The following MAPK10 variants were observed in gnomAD, a reference collection of about 807,000 sequenced individuals.
The protein encoded by MAPK10 is mitogen-activated protein kinase 10, also known as JNK3 alpha protein kinase.
Under a neutral mutation model 59.3 loss-of-function variants are expected in MAPK10, and 25 were observed. The ratio of observed to expected loss-of-function variants is 0.42; its 90% CI spans 0.31 to 0.59. MAPK10 has a LOEUF of 0.59. MAPK10 is among the 20% of genes least tolerant of loss of function. The pLI, the probability that MAPK10 is intolerant of heterozygous loss-of-function variation, is 0.15. For missense variants in MAPK10, 351 were observed against 568.9 expected, an observed-to-expected ratio of 0.62 and a Z score of 3.90; for synonymous variants, 190 against 200.5, an observed-to-expected ratio of 0.95 and a Z score of 0.44.
At chr4:86,355,046 G>C (rs1442487541) in intron 1 of MAPK10, among the ~76,000 whole-genome samples, 2 of 152,192 alleles carry the variant, frequency 1.3e-5, no homozygotes, top group East Asian at 3.9e-4. Flanking sequence ...ACCAATAAAG[G>C]AGGAGAATTT....
intron 1 of MAPK10, among the ~76,000 whole-genome samples, chr4:86,502,595 A>G (rs1179124231): frequency 6.6e-6 from 1 of 152,052 alleles, no homozygotes; most frequent in Admixed American, 6.6e-5. Context: ...TGATTGACCA[A>G]ACAAAAAGTT....
rs578177302 is a variant in MAPK10 at position 86,223,480 on chromosome 4, C to T, written c.-6-29073G>A. ...CTGTGCTCTCCTGAGAATGGAGGCTCTCACAGGGCCTGAGCCCTCAACTCC... is the reference window on the plus strand; with the variant it reads ...CTGTGCTCTCCTGAGAATGGAGGCTTTCACAGGGCCTGAGCCCTCAACTCC... On this transcript the variant is annotated intron_variant, in intron 2 of 13. Transcript: ENST00000641462. Among the ~76,000 whole-genome samples the T allele has an allele frequency of 2.6e-5, 4 of 152,328 alleles. No individual in the cohort carries two copies. The South Asian group carries it at 6.2e-4, about 24-fold the overall frequency.
chr4:86,491,777 C>G (rs540577930), intron 1 of MAPK10, among the ~76,000 whole-genome samples: 2 of 152,038 alleles, frequency 1.3e-5, no homozygotes, highest in Non-Finnish European at 2.9e-5. Flanking sequence ...TTATTTTATT[C>G]TATAGTTTTT....
At chr4:86,251,325 C>G (rs1030283039) in intron 2 of MAPK10, among the ~76,000 whole-genome samples, 2 of 151,932 alleles carry the variant, frequency 1.3e-5, no homozygotes, top group Admixed American at 1.3e-4. Context: ...TCCCTCCCCC[C>G]TCCTCCCTCC....
intron 2 of MAPK10, among the ~76,000 whole-genome samples, chr4:86,243,854 C>T (rs549928945): frequency 2.6e-5 from 4 of 151,554 alleles, no homozygotes; most frequent in Admixed American, 6.6e-5. Context: ...TTCTTGCTTA[C>T]CTCCCGAGCT....
chr4:86,532,040 C>T (rs1031730330), intron 1 of MAPK10, among the ~76,000 whole-genome samples: 2 of 147,702 alleles, frequency 1.4e-5, no homozygotes, highest in African/African-American at 4.9e-5. Flanking sequence ...TTTTTAATTA[C>T]ATATATATAT....
intron 1 of MAPK10, among the ~76,000 whole-genome samples, chr4:86,381,821 T>C (rs1003212554): frequency 3.3e-5 from 5 of 152,198 alleles, no homozygotes; most frequent in African/African-American, 4.8e-5. Flanking sequence ...CAGTGGATAG[T>C]GCTTAACACT....
At chr4:86,399,622 A>G (rs186713041) in intron 1 of MAPK10, 11 of 152,302 alleles carry the variant, frequency 7.2e-5, no homozygotes, top group Non-Finnish European at 1.3e-4. Context: ...TCTACACCCA[A>G]TGTGACTTTA....
intron 2 of MAPK10, among the ~76,000 whole-genome samples, chr4:86,210,197 C>T (rs1034625019): frequency 2.0e-5 from 3 of 151,984 alleles, no homozygotes; most frequent in African/African-American, 7.2e-5. Flanking sequence ...TGGGGAAACT[C>T]TCCAGGACAT....
chr4:86,348,856 G>A (rs1729661470), intron 2 of MAPK10, among the ~76,000 whole-genome samples: 1 of 151,884 alleles, frequency 6.6e-6, no homozygotes, highest in Admixed American at 6.6e-5. Flanking sequence ...CCTCCACCTC[G>A]ATCTTTCCTC....
intron 1 of MAPK10, among the ~76,000 whole-genome samples, chr4:86,386,372 C>T (rs1483009095): frequency 6.6e-6 from 1 of 152,190 alleles, no homozygotes; most frequent in Admixed American, 6.5e-5. Flanking sequence ...CTGCCCACAG[C>T]AGGAAGTATC....
At chr4:86,018,808 G>T (rs571477298) in intron 13 of MAPK10, among the ~76,000 whole-genome samples, 1 of 152,250 alleles carries the variant, frequency 6.6e-6, no homozygotes, top group East Asian at 1.9e-4. Context: ...TCTTATTTGA[G>T]CAAATATAGT....
At chr4:86,172,055 A>C (rs2074350949) in intron 3 of MAPK10, among the ~76,000 whole-genome samples, 1 of 139,396 alleles carries the variant, frequency 7.2e-6, no homozygotes, top group Non-Finnish European at 1.5e-5. Context: ...AATGGCAATC[A>C]TTAAAAAGTC....
At chr4:86,458,932 A>G (rs1456949488) in intron 1 of MAPK10, among the ~76,000 whole-genome samples, 1 of 152,254 alleles carries the variant, frequency 6.6e-6, no homozygotes, top group Non-Finnish European at 1.5e-5. Context: ...TAAACAAAAG[A>G]GCTTTTACAC....
chr4:86,480,595 G>C (rs1396312999), intron 1 of MAPK10, among the ~76,000 whole-genome samples: 1 of 152,102 alleles, frequency 6.6e-6, no homozygotes, highest in East Asian at 1.9e-4. Context: ...ATGAAGAAAA[G>C]AACATTTGGA....
intron 1 of MAPK10, among the ~76,000 whole-genome samples, chr4:86,459,165 T>C (rs1751504778): frequency 6.6e-6 from 1 of 152,212 alleles, no homozygotes; most frequent in Admixed American, 6.5e-5. Context: ...GAAAAAATGC[T>C]CAACATCACT....
intron 2 of MAPK10, among the ~76,000 whole-genome samples, chr4:86,229,271 T>A (rs1027372218): frequency 1.3e-5 from 2 of 152,138 alleles, no homozygotes; most frequent in Non-Finnish European, 2.9e-5. Context: ...ACACCCCCAA[T>A]ACATCAATTA....
chr4:86,145,227 T>C (rs1236199437), intron 4 of MAPK10, among the ~76,000 whole-genome samples: 1 of 140,662 alleles, frequency 7.1e-6, no homozygotes, highest in African/African-American at 2.9e-5. Context: ...CCGGGCGTGG[T>C]GGCGCGCGCC....
intron 8 of MAPK10, chr4:86,100,211 C>G (rs192681025): frequency 6.6e-6 from 1 of 152,198 alleles, no homozygotes; most frequent in East Asian, 1.9e-4. Context: ...TAATTTAAAA[C>G]TATTTTAATT....
Sources: gnomAD v4.1 joint callset for allele counts (sites outside exome capture counted in the v4.1 genomes callset) on GRCh38, gnomAD v4.1.1 for gene constraint, MANE v1.5 for transcripts, NCBI Gene and HGNC (gene_info 2026-07-23, HGNC 2026-07-21) for gene names.